Variants in GRM7 observed in about 807,000 individuals in gnomAD.
GRM7 encodes metabotropic glutamate receptor 7.
In GRM7, 35 loss-of-function variants were observed where a neutral mutation model predicts 84.5. The observed-to-expected ratio is 0.41, with a 90% CI of 0.32 to 0.55. GRM7 has a LOEUF of 0.55. Ranked by LOEUF, GRM7 falls within the 20% of genes least tolerant of loss-of-function variation. GRM7 has a pLI of 0.19. For synonymous variants in GRM7, 487 were observed against 455.1 expected, an observed-to-expected ratio of 1.07 and a Z score of -0.89; for missense variants, 1,003 against 1,194.6, an observed-to-expected ratio of 0.84 and a Z score of 2.36.
intron 1 of GRM7, among the ~76,000 whole-genome samples, chr3:6,915,916 T>G (rs929250691): frequency 2.6e-5 from 4 of 152,210 alleles, no homozygotes; most frequent in Non-Finnish European, 5.9e-5. Context: ...TCAGCCTATG[T>G]GGATAATGGC....
chr3:7,441,847 T>C (rs370747998), intron 5 of GRM7, among the ~76,000 whole-genome samples: 5 of 152,286 alleles, frequency 3.3e-5, no homozygotes, highest in Admixed American at 2.0e-4. Context: ...GTGTCTGTTT[T>C]TGTGTCAGTA....
chr3:6,891,121 T>C (rs1695922785), intron 1 of GRM7, among the ~76,000 whole-genome samples: 1 of 152,214 alleles, frequency 6.6e-6, no homozygotes, highest in Non-Finnish European at 1.5e-5. Context: ...TGAGCCTATA[T>C]GTGTCTCTGC....
rs1472171495 is a variant in GRM7 at position 7,661,690 on chromosome 3, AG to A, written c.2452-18357del. Among the ~76,000 whole-genome samples, 4 of 148,024 alleles carry A rather than the reference AG, an allele frequency of 2.7e-5. No homozygotes were observed. The Admixed American group carries it at 2.8e-4, about 10-fold the overall frequency. On this transcript the variant is annotated intron_variant, in intron 8 of 9. Transcript: ENST00000357716. Reference sequence around the variant, plus strand: ...GCGCCTGTGGTCCCAGCTACTCCGAAGGCTGAGGCAGAAGAATGGGGTGAAC... The same window carrying A: ...GCGCCTGTGGTCCCAGCTACTCCGAAGCTGAGGCAGAAGAATGGGGTGAAC...
intron 1 of GRM7, among the ~76,000 whole-genome samples, chr3:7,118,277 G>A (rs980704003): frequency 3.8e-4 from 58 of 151,876 alleles, no homozygotes; most frequent in African/African-American, 1.3e-3. Flanking sequence ...TGTAGTCCCA[G>A]TTACTCCGGA....
chr3:7,417,764 G>A (rs1245367500), intron 5 of GRM7, among the ~76,000 whole-genome samples: 2 of 152,078 alleles, frequency 1.3e-5, no homozygotes, highest in Non-Finnish European at 2.9e-5. Flanking sequence ...AAATTAAAAT[G>A]TAGGCCATTT....
chr3:7,186,199 A>G (rs1338482436), intron 2 of GRM7, among the ~76,000 whole-genome samples: 1 of 152,218 alleles, frequency 6.6e-6, no homozygotes, highest in Non-Finnish European at 1.5e-5. Flanking sequence ...GAAGCAGTGC[A>G]ATGAACTAAG....
At chr3:7,030,863 A>G (rs902728863) in intron 1 of GRM7, among the ~76,000 whole-genome samples, 1 of 152,232 alleles carries the variant, frequency 6.6e-6, no homozygotes, top group Admixed American at 6.5e-5. Flanking sequence ...TCTATTATTT[A>G]AAAGCAAATG....
intron 1 of GRM7, among the ~76,000 whole-genome samples, chr3:6,998,848 C>A (rs2124872523): frequency 6.6e-6 from 1 of 152,312 alleles, no homozygotes; most frequent in East Asian, 1.9e-4. Flanking sequence ...CACAAAGCAG[C>A]AAGGCCCTGG....
chr3:7,015,395 A>G (rs1254736075), intron 1 of GRM7, among the ~76,000 whole-genome samples: 1 of 152,224 alleles, frequency 6.6e-6, no homozygotes, highest in East Asian at 1.9e-4. Context: ...AGAGTGAATG[A>G]GTAATTTAAT....
chr3:7,090,951 A>C (rs371465572), intron 1 of GRM7, among the ~76,000 whole-genome samples: 2 of 152,198 alleles, frequency 1.3e-5, no homozygotes. Flanking sequence ...ACATAAAAAG[A>C]AAGAAATAGA....
At chr3:7,481,382 T>A (rs1575400467) in intron 7 of GRM7, among the ~76,000 whole-genome samples, 1 of 152,306 alleles carries the variant, frequency 6.6e-6, no homozygotes, top group South Asian at 2.1e-4. Context: ...CATGAAACAC[T>A]GCACCTGGCC....
chr3:7,119,560 T>G (rs1693151527), intron 1 of GRM7, among the ~76,000 whole-genome samples: 1 of 152,178 alleles, frequency 6.6e-6, no homozygotes, highest in African/African-American at 2.4e-5. Flanking sequence ...CATCACTATT[T>G]GAAGTTTGAG....
intron 8 of GRM7, among the ~76,000 whole-genome samples, chr3:7,656,506 C>G (rs542668695): frequency 1.1e-5 from 1 of 94,880 alleles, no homozygotes; most frequent in African/African-American, 3.4e-5. Flanking sequence ...AAAAAACAAA[C>G]AAACAAATAA....
chr3:7,451,271 G>T (rs924863984), intron 5 of GRM7, among the ~76,000 whole-genome samples: 1 of 152,156 alleles, frequency 6.6e-6, no homozygotes. Flanking sequence ...ATGTTCAATG[G>T]TGGGGATCCA....
chr3:7,674,520 A>T (rs989453265), intron 8 of GRM7, among the ~76,000 whole-genome samples: 1 of 152,234 alleles, frequency 6.6e-6, no homozygotes, highest in African/African-American at 2.4e-5. Flanking sequence ...TGACAAATAC[A>T]AATTGTATAA....
Position 7,259,953 on chromosome 3 carries a change from G to GTTTTTTTTTGTTTT in GRM7, c.737-38722_737-38721insGTTTTTTTTTTTTT. ...TTTCTCTGCAACCTTACCAGCATCT[G>GTTTTTTTTTGTTTT]TTTTTTTTTTTTGACGTTTTAATAA... is the stretch of plus-strand genomic sequence containing the variant. On this transcript the variant is annotated intron_variant, in intron 2 of 9. Coordinates refer to ENST00000357716, the MANE Select transcript of GRM7 (RefSeq NM_000844.4). Among the ~76,000 whole-genome samples, 2 of 89,660 alleles carry GTTTTTTTTTGTTTT rather than the reference G, an allele frequency of 2.2e-5. 1 individual carries two copies. Among genetic ancestry groups the GTTTTTTTTTGTTTT allele is most frequent in the African/African-American group, 1.2e-4 (2 of 17,070 alleles). The allele number at this position is 89,660 out of a possible 152,430, so 58.8% of individuals were successfully genotyped here. A position where few individuals can be genotyped will look rare whatever the true frequency, so the allele number is the denominator to read the frequency against.
chr3:6,899,005 C>T (rs1696292203), intron 1 of GRM7, among the ~76,000 whole-genome samples: 1 of 152,054 alleles, frequency 6.6e-6, no homozygotes, highest in Non-Finnish European at 1.5e-5. Flanking sequence ...TCTAGGTTTC[C>T]ATATTGCAAT....
At chr3:7,586,412 T>C (rs561952292) in intron 8 of GRM7, among the ~76,000 whole-genome samples, 4 of 152,094 alleles carry the variant, frequency 2.6e-5, no homozygotes, top group African/African-American at 9.6e-5. Flanking sequence ...TTATTTCTAA[T>C]AGCCCCACCC....
intron 7 of GRM7, among the ~76,000 whole-genome samples, chr3:7,543,728 G>C (rs1693007300): frequency 2.0e-5 from 3 of 152,214 alleles, no homozygotes; most frequent in South Asian, 4.1e-4. Context: ...GAATTCTATA[G>C]ATAGACCTTT....
Sources: gnomAD v4.1 joint callset for allele counts (sites outside exome capture counted in the v4.1 genomes callset) on GRCh38, gnomAD v4.1.1 for gene constraint, MANE v1.5 for transcripts, NCBI Gene and HGNC (gene_info 2026-07-23, HGNC 2026-07-21) for gene names.